The following NSUN6 variants were observed in gnomAD, a reference collection of about 807,000 sequenced individuals.
NSUN6 encodes NOP2/Sun RNA methyltransferase 6, also known as tRNA (cytosine(72)-C(5))-methyltransferase NSUN6.
A neutral mutation model predicts 58.0 loss-of-function variants in NSUN6; 64 were observed. The ratio of observed to expected loss-of-function variants is 1.10; its 90% CI spans 0.90 to 1.36. NSUN6 has a LOEUF of 1.36. Ranked by LOEUF, NSUN6 falls within the 40% of genes most tolerant of loss-of-function variation. The pLI is 0.00. For missense variants in NSUN6, 701 were observed against 550.1 expected (o/e 1.27, Z -2.74); for synonymous variants, 231 against 193.9 (o/e 1.19, Z -1.59).
intron 3 of NSUN6, among the ~76,000 whole-genome samples, chr10:18,632,592 G>A (rs374175562): frequency 6.8e-4 from 103 of 151,886 alleles, no homozygotes; most frequent in African/African-American, 2.1e-3. Flanking sequence ...AAAAGTGGGC[G>A]AAGGACATGA....
chr10:18,620,762 TATC>T (rs1343144044), intron 3 of NSUN6, among the ~76,000 whole-genome samples: 1 of 152,238 alleles, frequency 6.6e-6, no homozygotes, highest in African/African-American at 2.4e-5. Context: ...CTACTGTGAC[TATC>T]ATAACAGTCT....
intron 4 of NSUN6, among the ~76,000 whole-genome samples, chr10:18,615,189 T>C (rs374039730): frequency 6.6e-6 from 1 of 151,882 alleles, no homozygotes; most frequent in African/African-American, 2.4e-5. Flanking sequence ...CCTTTTACAG[T>C]ATACAGTGTA....
At chr10:18,631,268 C>G (rs865804018) in intron 3 of NSUN6, among the ~76,000 whole-genome samples, 1 of 147,920 alleles carries the variant, frequency 6.8e-6, no homozygotes, top group Admixed American at 6.8e-5. Context: ...ATAATAAGAG[C>G]TATCTATGAC....
intron 2 of NSUN6, 140 bp downstream of exon 2, chr10:18,648,350 G>A: frequency 5.5e-6 from 3 of 543,538 alleles, no homozygotes; most frequent in Non-Finnish European, 9.8e-6. Flanking sequence ...GGATAACTTT[G>A]AAGAATTTAC....
At chr10:18,552,562 G>C (rs1457739379) in intron 8 of NSUN6, among the ~76,000 whole-genome samples, 1 of 151,896 alleles carries the variant, frequency 6.6e-6, no homozygotes, top group Non-Finnish European at 1.5e-5. Context: ...GTGAAACCAA[G>C]TGGTCTGTTT....
chr10:18,651,249 G>A lies in NSUN6; in HGVS notation c.-46C>T, dbSNP rs755959998. ...CCACCAAGAGAAATGCTGGAAAACG[G>A]TGTTTTGTTTTTTTTTTTCTTTCCG... is the stretch of plus-strand genomic sequence containing the variant. On this transcript the variant is annotated 5_prime_UTR_variant, in exon 1 of 11. Transcript: ENST00000377304. The A allele has an allele frequency of 6.7e-7, 1 of 1,489,276 alleles. No individual in the cohort carries two copies. The highest frequency in any genetic ancestry group is 8.9e-7 in the Non-Finnish European group (1 of 1,123,686). The allele number at this position is 1,489,276 out of a possible 1,614,324, so 92.3% of individuals were successfully genotyped here. A position where few individuals can be genotyped will look rare whatever the true frequency, so the allele number is the denominator to read the frequency against.
chr10:18,547,729 T>A (rs1447793247), intron 10 of NSUN6, among the ~76,000 whole-genome samples: 1 of 152,146 alleles, frequency 6.6e-6, no homozygotes, highest in Non-Finnish European at 1.5e-5. Context: ...TTAAAGCTCA[T>A]TTGAGCTTTG....
intron 3 of NSUN6, among the ~76,000 whole-genome samples, chr10:18,627,464 G>A (rs1451599233): frequency 6.6e-6 from 1 of 152,232 alleles, no homozygotes. Context: ...GAGCGACGCA[G>A]AAGACGGGTG....
intron 6 of NSUN6, among the ~76,000 whole-genome samples, chr10:18,601,505 G>A (rs1184061387): frequency 1.2e-5 from 1 of 85,478 alleles, no homozygotes; most frequent in Non-Finnish European, 2.4e-5. Context: ...CTGAGATGTG[G>A]CAGGAGTAAT....
chr10:18,611,382 A>C (rs1298085684), intron 5 of NSUN6, among the ~76,000 whole-genome samples: 1 of 152,102 alleles, frequency 6.6e-6, no homozygotes, highest in East Asian at 1.9e-4. Flanking sequence ...ATGCATCTAC[A>C]TGCATGTGTA....
chr10:18,622,047 CACACACACACACAG>C (rs1255421827), intron 3 of NSUN6, among the ~76,000 whole-genome samples: 6 of 146,966 alleles, frequency 4.1e-5, no homozygotes, highest in African/African-American at 1.5e-4. Context: ...GACACACACA[CACACACACACACAG>C]ACACACACAC....
chr10:18,547,484 G>A (rs2054348111), intron 10 of NSUN6, among the ~76,000 whole-genome samples: 1 of 152,140 alleles, frequency 6.6e-6, no homozygotes, highest in African/African-American at 2.4e-5. Flanking sequence ...AAAGTTAGAT[G>A]CTCAATGTAT....
intron 5 of NSUN6, 117 bp from the exon 6 acceptor site, chr10:18,610,043 A>G: frequency 1.5e-6 from 1 of 684,560 alleles, no homozygotes; most frequent in Non-Finnish European, 2.6e-6. Context: ...CTTTTTAAGA[A>G]CTATTTTGGC....
intron 2 of NSUN6, 49 bp downstream of exon 2, chr10:18,648,441 A>T: frequency 8.2e-7 from 1 of 1,219,050 alleles, no homozygotes; most frequent in Non-Finnish European, 1.2e-6. Context: ...AAAACATGGT[A>T]GATTGCAAAA....
At chr10:18,657,076 C>CCTTG (rs754683355), upstream of NSUN6, among the ~76,000 whole-genome samples, 5 of 152,102 alleles carry the variant, frequency 3.3e-5, no homozygotes, top group Non-Finnish European at 7.4e-5. Flanking sequence ...AATCCACCTG[C>CCTTG]CTTGGCCTCC....
chr10:18,596,920 T>C (rs570600802), intron 6 of NSUN6, among the ~76,000 whole-genome samples: 14 of 152,210 alleles, frequency 9.2e-5, no homozygotes, highest in Non-Finnish European at 1.5e-4. Context: ...AATATAACTT[T>C]GCCATTTTGG....
chr10:18,555,308 AATAG>A, intron 8 of NSUN6, among the ~76,000 whole-genome samples: 1 of 150,752 alleles, frequency 6.6e-6, no homozygotes, highest in Non-Finnish European at 1.5e-5. Flanking sequence ...TGGAGAATGG[AATAG>A]AGTGGAATGG....
intron 8 of NSUN6, among the ~76,000 whole-genome samples, chr10:18,563,330 C>T (rs552433865): frequency 1.6e-4 from 23 of 145,960 alleles, no homozygotes; most frequent in Non-Finnish European, 1.8e-4. Context: ...TAATTGATTA[C>T]AGAATGGAAT....
At position 18,596,279 on chromosome 10, in the gene NSUN6, C is replaced by T; in HGVS notation, c.706G>A (p.Glu236Lys). 1 of 1,602,298 alleles carries T rather than the reference C, an allele frequency of 6.2e-7. No individual in the cohort carries two copies. Among genetic ancestry groups the T allele is most frequent in the Non-Finnish European group, 8.6e-7 (1 of 1,169,230 alleles). Residue 236 changes from glutamate (E) to lysine (K), a missense_variant, in exon 7 of 11, where the codon GAG becomes AAG. By Grantham distance (56) the Glu-to-Lys change is moderately conservative. Transcript: ENST00000377304. ...VSHVLNPQPGEKILDLCAAPG... is the reference protein window; with the variant it reads ...VSHVLNPQPGKKILDLCAAPG... ...GCTGCACACAAGTCTAGAATCTTCTCTCCAGGTTGAGGATTTAGTACATGA... is the reference window on the plus strand; with the variant it reads ...GCTGCACACAAGTCTAGAATCTTCTTTCCAGGTTGAGGATTTAGTACATGA...
Sources: gnomAD v4.1 joint callset for allele counts (sites outside exome capture counted in the v4.1 genomes callset) on GRCh38, gnomAD v4.1.1 for gene constraint, MANE v1.5 for transcripts, NCBI Gene and HGNC (gene_info 2026-07-23, HGNC 2026-07-21) for gene names.